Variants in GRIN2A observed in about 807,000 individuals in gnomAD.
The protein encoded by GRIN2A is glutamate ionotropic receptor NMDA type subunit 2A.
In GRIN2A, 22 loss-of-function variants were observed where a neutral mutation model predicts 113.4. The observed-to-expected ratio is 0.19, with a 90% CI of 0.14 to 0.28. The LOEUF is 0.28. Ranked by LOEUF, GRIN2A falls within the 10% of genes least tolerant of loss-of-function variation. GRIN2A has a pLI of 1.00. For missense variants in GRIN2A, 1,502 were observed against 1,887.0 expected (o/e 0.80, Z 3.78); for synonymous variants, 827 against 738.4 (o/e 1.12, Z -1.94).
intron 11 of GRIN2A, among the ~76,000 whole-genome samples, chr16:9,778,542 A>G (rs1901746908): frequency 6.6e-6 from 1 of 152,246 alleles, no homozygotes; most frequent in Non-Finnish European, 1.5e-5. Flanking sequence ...AAGAAAAAAA[A>G]GGATAGCAAT....
rs1332909863 is a variant in GRIN2A at position 9,991,024 on chromosome 16, G to A, written c.415-52473C>T. 2.6e-5 allele frequency among the ~76,000 whole-genome samples: 4 copies of A among 152,078 alleles called. No individual in the cohort carries two copies. The South Asian group carries it at 8.3e-4, about 32-fold the overall frequency. ...AGAGGTTGCAGTGAGCTGAGATCAC[G>A]CCACTACACTCCAGCCTGGGTGACA... On this transcript the variant is annotated intron_variant, in intron 2 of 12. Coordinates refer to ENST00000330684, the MANE Select transcript of GRIN2A (RefSeq NM_001134407.3).
intron 2 of GRIN2A, among the ~76,000 whole-genome samples, chr16:10,143,132 T>A (rs951706219): frequency 2.0e-5 from 3 of 152,222 alleles, no homozygotes; most frequent in African/African-American, 4.8e-5. Context: ...TTCCTTCAGA[T>A]TTCATGGTTG....
chr16:10,011,947 C>G (rs2046513497), intron 2 of GRIN2A, among the ~76,000 whole-genome samples: 1 of 152,154 alleles, frequency 6.6e-6, no homozygotes, highest in Non-Finnish European at 1.5e-5. Context: ...TTTCTGGAGG[C>G]TGGAGACCAT....
At chr16:9,905,264 G>A (rs2044004026) in intron 3 of GRIN2A, among the ~76,000 whole-genome samples, 1 of 152,174 alleles carries the variant, frequency 6.6e-6, no homozygotes, top group African/African-American at 2.4e-5. Context: ...TAATGTTCCT[G>A]TTGCTGTAAG....
At chr16:10,129,475 G>C (rs955086866) in intron 2 of GRIN2A, among the ~76,000 whole-genome samples, 5 of 152,280 alleles carry the variant, frequency 3.3e-5, no homozygotes, top group Middle Eastern at 6.8e-3. Flanking sequence ...GAGGCTACTT[G>C]AACTTGGATG....
intron 2 of GRIN2A, among the ~76,000 whole-genome samples, chr16:10,065,284 A>G (rs73508684): frequency 0.03 from 4,571 of 152,244 alleles, 245 homozygotes; most frequent in African/African-American, 0.11. Flanking sequence ...GTGTGGAGTT[A>G]CTCACGTGAG....
chr16:10,092,792 C>G (rs1467865850), intron 2 of GRIN2A, among the ~76,000 whole-genome samples: 1 of 151,570 alleles, frequency 6.6e-6, no homozygotes, highest in Non-Finnish European at 1.5e-5. Flanking sequence ...CCCTCCATCT[C>G]ATGTACTCAG....
At chr16:10,181,493 G>T (rs1163717262) in intron 1 of GRIN2A, 4 of 152,346 alleles carry the variant, frequency 2.6e-5, no homozygotes, top group Non-Finnish European at 4.4e-5. Flanking sequence ...CACTTCCTCA[G>T]ACTGCTGTAG....
At chr16:9,844,456 T>A (rs2042737324) in intron 5 of GRIN2A, among the ~76,000 whole-genome samples, 1 of 152,176 alleles carries the variant, frequency 6.6e-6, no homozygotes, top group Non-Finnish European at 1.5e-5. Context: ...TTGGTTCCTA[T>A]TACAGCCCTT....
At chr16:9,828,900 G>C (rs2042435784) in intron 9 of GRIN2A, among the ~76,000 whole-genome samples, 1 of 152,172 alleles carries the variant, frequency 6.6e-6, no homozygotes, top group Admixed American at 6.5e-5. Flanking sequence ...AGACATTTCA[G>C]GTGAGTCAGA....
chr16:9,996,559 G>C (rs1459895299), intron 2 of GRIN2A, among the ~76,000 whole-genome samples: 2 of 152,214 alleles, frequency 1.3e-5, no homozygotes, highest in Admixed American at 6.5e-5. Context: ...CTGTCCCTGA[G>C]CAGATTGTGG....
intron 3 of GRIN2A, among the ~76,000 whole-genome samples, chr16:9,920,287 G>A (rs2044334305): frequency 6.6e-6 from 1 of 152,202 alleles, no homozygotes; most frequent in Non-Finnish European, 1.5e-5. Flanking sequence ...AAATTGCTAG[G>A]TGAACATGGG....
intron 11 of GRIN2A, among the ~76,000 whole-genome samples, chr16:9,774,819 T>A (rs575380944): frequency 6.6e-6 from 1 of 152,308 alleles, no homozygotes; most frequent in South Asian, 2.1e-4. Context: ...TCTGGAGATA[T>A]TATTATTGCC....
intron 2 of GRIN2A, among the ~76,000 whole-genome samples, chr16:10,147,146 G>A (rs1311550529): frequency 6.6e-6 from 1 of 152,054 alleles, no homozygotes; most frequent in Non-Finnish European, 1.5e-5. Context: ...GTGTATGCCA[G>A]GCATAGTATT....
chr16:9,843,900 G>A (rs2042726624), intron 5 of GRIN2A, among the ~76,000 whole-genome samples: 1 of 152,196 alleles, frequency 6.6e-6, no homozygotes, highest in Non-Finnish European at 1.5e-5. Context: ...ATAGAAATGT[G>A]TCCTAAGTAC....
intron 2 of GRIN2A, among the ~76,000 whole-genome samples, chr16:10,149,807 A>C (rs1437164884): frequency 6.6e-6 from 1 of 152,240 alleles, no homozygotes; most frequent in African/African-American, 2.4e-5. Context: ...AGACATAAAT[A>C]AAGTTAGGTC....
chr16:10,136,296 T>C (rs184163272), intron 2 of GRIN2A, among the ~76,000 whole-genome samples: 99 of 152,180 alleles, frequency 6.5e-4, no homozygotes, highest in Admixed American at 4.5e-3. Flanking sequence ...CTTCAACAGA[T>C]GAAGGCGAAA....
chr16:9,764,900 A>G lies in GRIN2A; in HGVS notation c.2644T>C (p.Ser882Pro), dbSNP rs1384190116. 1 of 1,613,888 alleles carries G rather than the reference A, an allele frequency of 6.2e-7. No individual in the cohort carries two copies. The highest frequency in any genetic ancestry group is 8.5e-7 in the Non-Finnish European group (1 of 1,179,966). Residue 882 changes from serine (S) to proline (P), a missense_variant, in exon 13 of 13, where the codon TCT becomes CCT. By Grantham distance (74) the Ser-to-Pro change is moderately conservative (BLOSUM62 -1). Around this residue, in one of 7 missense-constraint regions of GRIN2A, gnomAD observed 832 missense variants for 789.7 expected, o/e 1.05. Coordinates refer to ENST00000330684, the MANE Select transcript of GRIN2A (RefSeq NM_001134407.3). The stretch of plus-strand genomic sequence containing the variant: ...GATCCCGTCAGATTGAAGTCTGGAG[A>G]CTTCTTCTTTTCTTCAATGTGCACT... ...HGVHIEEKKK[S>P]PDFNLTGSQS... is the part of the protein sequence containing the mutation.
intron 2 of GRIN2A, among the ~76,000 whole-genome samples, chr16:9,966,644 C>T (rs372204149): frequency 6.6e-6 from 1 of 152,260 alleles, no homozygotes; most frequent in African/African-American, 2.4e-5. Context: ...TACCTGGAAA[C>T]GGGATTGCTG....
Sources: allele counts gnomAD v4.1 joint callset (sites outside exome capture counted in the v4.1 genomes callset), GRCh38; gene constraint gnomAD v4.1.1; regional missense constraint gnomAD v4.1.1; transcripts MANE v1.5; gene names NCBI Gene and HGNC (gene_info 2026-07-23, HGNC 2026-07-21).